DNAH11: variants seen among roughly 807,000 people sequenced by gnomAD.
DNAH11 encodes the protein axonemal beta dynein heavy chain 11.
A neutral mutation model predicts 526.0 loss-of-function variants in DNAH11; 442 were observed. The ratio of observed to expected loss-of-function variants is 0.84; its 90% confidence interval spans 0.78 to 0.91. The LOEUF (loss-of-function observed/expected upper bound fraction) is 0.91, where lower values mean the gene tolerates loss of function less well. Ranked by LOEUF, DNAH11 falls within the 40% of genes least tolerant of loss-of-function variation. The probability of loss-of-function intolerance (pLI) is 0.00; values close to 1 mark genes in which losing one functional copy is unlikely to be tolerated. For missense variants in DNAH11, 6,989 were observed against 5,448.7 expected (o/e 1.28, Z -8.90); for synonymous variants, 2,461 against 1,935.9 (o/e 1.27, Z -7.12).
chr7:21,824,213 A>C (rs1387009517), intron 65 of DNAH11, among the ~76,000 whole-genome samples: 1 of 152,186 alleles, frequency 6.6e-6, no homozygotes, highest in Non-Finnish European at 1.5e-5. Flanking sequence ...ACTGATACCT[A>C]TAAAATACAT....
intron 8 of DNAH11, among the ~76,000 whole-genome samples, chr7:21,573,510 T>TA (rs1308056860): frequency 1.3e-5 from 2 of 152,184 alleles, no homozygotes; most frequent in African/African-American, 4.8e-5. Flanking sequence ...CATTACTTTT[T>TA]TAAAAAAATG....
intron 7 of DNAH11, chr7:21,570,855 C>T (rs113314390): frequency 3.4e-5 from 5 of 148,106 alleles, no homozygotes; most frequent in African/African-American, 7.5e-5. Context: ...CACATTCTTA[C>T]ATTTATATGG....
At chr7:21,707,549 A>C in intron 39 of DNAH11, 150 bp from the exon 40 acceptor site, 1 of 945,110 alleles carries the variant, frequency 1.1e-6, no homozygotes, top group Non-Finnish European at 1.5e-6. Flanking sequence ...ATGGGAATGC[A>C]CACATGTGCA....
chr7:21,824,146 T>C (rs1218074654), intron 65 of DNAH11, among the ~76,000 whole-genome samples: 1 of 152,168 alleles, frequency 6.6e-6, no homozygotes, highest in East Asian at 1.9e-4. Flanking sequence ...CCTATACTAG[T>C]TGCATCCTAG....
At position 21,852,546 on chromosome 7, in the gene DNAH11, C is replaced by G. The variant is rs150631721; in HGVS notation, c.10976C>G (p.Ala3659Gly). ...GACGATCTCCTTTTGCGCCTTTCTG[C>G]GGCAGAGGGAAGCTTTCTGGATGAC... ...LEDDLLLRLS[A>G]AEGSFLDDTK... The change falls in exon 67 of 82, where the codon GCG becomes GGG. Residue 3659 changes from alanine (A) to glycine (G), a missense_variant. By Grantham distance (60) the Ala-to-Gly change is moderately conservative. Coordinates refer to ENST00000409508, the MANE Select transcript of DNAH11 (RefSeq NM_001277115.2). The G allele has an allele frequency of 1.2e-6, 2 of 1,612,488 alleles. No individual in the cohort carries two copies. Among genetic ancestry groups the G allele is most frequent in the Admixed American group, 3.3e-5 (2 of 59,804 alleles).
At chr7:21,749,926 C>A in intron 53 of DNAH11, 125 bp downstream of exon 53, 1 of 1,426,930 alleles carries the variant, frequency 7.0e-7, no homozygotes, top group East Asian at 2.3e-5. Context: ...GGGGAGAAAC[C>A]TATAAACCTA....
At chr7:21,608,892 T>C (rs1562697590) in intron 20 of DNAH11, among the ~76,000 whole-genome samples, 1 of 152,212 alleles carries the variant, frequency 6.6e-6, no homozygotes, top group Non-Finnish European at 1.5e-5. Context: ...CTGGGTGAAC[T>C]TTTTCTTGAA....
intron 65 of DNAH11, among the ~76,000 whole-genome samples, chr7:21,818,593 A>T (rs952164999): frequency 6.6e-6 from 1 of 152,138 alleles, no homozygotes; most frequent in African/African-American, 2.4e-5. Flanking sequence ...TAAATCTGAG[A>T]ATCGTTGCCT....
At chr7:21,613,603 A>G (rs1361955338) in intron 20 of DNAH11, among the ~76,000 whole-genome samples, 1 of 152,188 alleles carries the variant, frequency 6.6e-6, no homozygotes, top group Non-Finnish European at 1.5e-5. Flanking sequence ...TTAGTTCACA[A>G]GACTTCTTGT....
chr7:21,676,500 T>G (rs1782893936), intron 30 of DNAH11, among the ~76,000 whole-genome samples: 1 of 152,194 alleles, frequency 6.6e-6, no homozygotes, highest in Non-Finnish European at 1.5e-5. Context: ...GTACAGAATT[T>G]TATTACTTAC....
intron 57 of DNAH11, among the ~76,000 whole-genome samples, chr7:21,780,505 ATGT>A (rs1414321623): frequency 6.6e-6 from 1 of 152,212 alleles, no homozygotes; most frequent in Non-Finnish European, 1.5e-5. Flanking sequence ...CAAACATGTG[ATGT>A]TCTAGTAATT....
chr7:21,877,604 G>C (rs1407151694), intron 74 of DNAH11, among the ~76,000 whole-genome samples: 4 of 152,094 alleles, frequency 2.6e-5, no homozygotes, highest in African/African-American at 9.7e-5. Context: ...GGCTAGGCAC[G>C]GTGGCTCACG....
intron 43 of DNAH11, among the ~76,000 whole-genome samples, chr7:21,720,351 G>C (rs1456297167): frequency 2.0e-5 from 3 of 151,808 alleles, no homozygotes; most frequent in Non-Finnish European, 4.4e-5. Flanking sequence ...GATGTCTTCA[G>C]TTTTTAATCA....
intron 6 of DNAH11, among the ~76,000 whole-genome samples, chr7:21,567,297 T>C (rs912316328): frequency 6.6e-6 from 1 of 152,204 alleles, no homozygotes; most frequent in East Asian, 1.9e-4. Flanking sequence ...TCTATAATTG[T>C]ATTTCCTCTT....
intron 44 of DNAH11, among the ~76,000 whole-genome samples, chr7:21,721,613 A>G (rs1246285527): frequency 6.6e-6 from 1 of 152,162 alleles, no homozygotes; most frequent in Non-Finnish European, 1.5e-5. Context: ...ACAGAGAGAG[A>G]AAGACATACT....
At chr7:21,722,258 C>T (rs530529439) in intron 44 of DNAH11, among the ~76,000 whole-genome samples, 43 of 152,290 alleles carry the variant, frequency 2.8e-4, no homozygotes, top group Non-Finnish European at 4.4e-5. Flanking sequence ...TGGGAAATGG[C>T]AACATCAGGA....
chr7:21,756,794 T>C (rs756892853), intron 54 of DNAH11, among the ~76,000 whole-genome samples: 3 of 152,172 alleles, frequency 2.0e-5, no homozygotes, highest in Non-Finnish European at 4.4e-5. Context: ...TTGGGAATTA[T>C]TAGAATCGCC....
intron 44 of DNAH11, among the ~76,000 whole-genome samples, chr7:21,722,243 G>A (rs1018150345): frequency 3.3e-5 from 5 of 152,134 alleles, no homozygotes; most frequent in African/African-American, 7.2e-5. Flanking sequence ...CCAAAGTCAC[G>A]CTGATGGGAA....
intron 62 of DNAH11, among the ~76,000 whole-genome samples, chr7:21,803,480 G>C (rs917180590): frequency 2.6e-5 from 4 of 152,064 alleles, no homozygotes; most frequent in African/African-American, 9.7e-5. Context: ...GTATCAGCTG[G>C]GGTTTTCTCC....
Sources: allele counts gnomAD v4.1 joint callset (sites outside exome capture counted in the v4.1 genomes callset), GRCh38; gene constraint gnomAD v4.1.1; transcripts MANE v1.5; gene names NCBI Gene and HGNC (gene_info 2026-07-23, HGNC 2026-07-21).